Variants in HS3ST4 observed in about 807,000 individuals in gnomAD.
The protein encoded by HS3ST4 is heparan sulfate-glucosamine 3-sulfotransferase 4.
HS3ST4 carries 17 observed loss-of-function variants against 29.2 expected under a neutral mutation model. That is an observed-to-expected ratio of 0.58 (90% CI 0.40 to 0.87). The LOEUF is 0.87. Among genes scored for constraint, HS3ST4 ranks in the 40% least tolerant of loss-of-function variants. The probability of loss-of-function intolerance (pLI) is 0.00; values close to 1 mark genes in which losing one functional copy is unlikely to be tolerated. For synonymous variants in HS3ST4, 314 were observed against 285.7 expected (o/e 1.10, Z -1.00); for missense variants, 627 against 634.5 (o/e 0.99, Z 0.13).
chr16:25,961,249 G>A (rs556551728), intron 1 of HS3ST4, among the ~76,000 whole-genome samples: 6 of 152,262 alleles, frequency 3.9e-5, no homozygotes, highest in African/African-American at 1.4e-4. Flanking sequence ...CCTTCTGTGT[G>A]GAAGGCAGGA....
intron 1 of HS3ST4, among the ~76,000 whole-genome samples, chr16:25,703,964 C>T (rs1448698866): frequency 6.6e-6 from 1 of 152,214 alleles, no homozygotes; most frequent in Non-Finnish European, 1.5e-5. Flanking sequence ...AAGTTATCCT[C>T]ATTACTTATC....
chr16:26,110,641 T>C (rs948266750), intron 1 of HS3ST4, among the ~76,000 whole-genome samples: 1 of 151,976 alleles, frequency 6.6e-6, no homozygotes, highest in African/African-American at 2.4e-5. Context: ...CTGCAATTGC[T>C]TCCTTGTGGG....
At chr16:25,753,938 A>G (rs149497641) in intron 1 of HS3ST4, among the ~76,000 whole-genome samples, 529 of 152,294 alleles carry the variant, frequency 3.5e-3, no homozygotes, top group African/African-American at 0.012. Context: ...TTGCTAGTGG[A>G]GGCAAGTGGG....
intron 1 of HS3ST4, among the ~76,000 whole-genome samples, chr16:25,713,807 C>T (rs1966433609): frequency 6.6e-6 from 1 of 152,168 alleles, no homozygotes; most frequent in Non-Finnish European, 1.5e-5. Context: ...GTCCATAACA[C>T]AGAACAAATA....
At chr16:26,111,139 T>A (rs1398294519) in intron 1 of HS3ST4, among the ~76,000 whole-genome samples, 1 of 152,136 alleles carries the variant, frequency 6.6e-6, no homozygotes. Context: ...CATGGCTTAC[T>A]GAAGCCTGGA....
At chr16:25,802,937 G>A (rs1966953711) in intron 1 of HS3ST4, among the ~76,000 whole-genome samples, 1 of 138,298 alleles carries the variant, frequency 7.2e-6, no homozygotes, top group Non-Finnish European at 1.6e-5. Flanking sequence ...ATGTGTGTGT[G>A]TGTGTGTGTG....
intron 1 of HS3ST4, among the ~76,000 whole-genome samples, chr16:25,732,655 A>G (rs2141594249): frequency 6.6e-6 from 1 of 152,342 alleles, no homozygotes; most frequent in Admixed American, 6.5e-5. Context: ...TCATCTTATC[A>G]TGCAGTCTTG....
chr16:26,121,827 T>C (rs984191419), intron 1 of HS3ST4, among the ~76,000 whole-genome samples: 4 of 152,174 alleles, frequency 2.6e-5, no homozygotes, highest in Admixed American at 2.6e-4. Context: ...CTAACAGACA[T>C]TGGTGTGTGA....
rs892505516 is a variant in HS3ST4, at chr16:25,802,965, A to G, written c.734+109814A>G. ...TGTGTGTGTGTGTGTGTGTGTGTGT[A>G]TATATTTCTTTCTCTGTTTCTTTTC... is the stretch of plus-strand genomic sequence containing the variant. On this transcript the variant is annotated intron_variant, in intron 1 of 1. Transcript: ENST00000331351. 1.4e-4 allele frequency among the ~76,000 whole-genome samples: 20 copies of G among 141,558 alleles called. No homozygotes were observed. In the South Asian group the frequency reaches 1.6e-3, roughly 11 times the overall value. The allele number at this position is 141,558 out of a possible 152,430, so 92.9% of individuals were successfully genotyped here. A position where few individuals can be genotyped will look rare whatever the true frequency, so the allele number is the denominator to read the frequency against.
intron 1 of HS3ST4, among the ~76,000 whole-genome samples, chr16:25,760,953 C>G (rs1394234481): frequency 6.6e-6 from 1 of 152,018 alleles, no homozygotes; most frequent in African/African-American, 2.4e-5. Flanking sequence ...CTGCATAAGC[C>G]CCTGATAAAG....
intron 1 of HS3ST4, among the ~76,000 whole-genome samples, chr16:26,065,542 T>G (rs2141773312): frequency 6.6e-6 from 1 of 151,998 alleles, no homozygotes; most frequent in South Asian, 2.1e-4. Flanking sequence ...AATACATGGG[T>G]GATGAAATAA....
intron 1 of HS3ST4, among the ~76,000 whole-genome samples, chr16:25,990,322 AG>A (rs1490966293): frequency 1.3e-5 from 2 of 152,212 alleles, no homozygotes; most frequent in Non-Finnish European, 2.9e-5. Flanking sequence ...GAGCTTTGTG[AG>A]AAACTGCCAA....
chr16:26,072,964 G>C (rs1400753963), intron 1 of HS3ST4, among the ~76,000 whole-genome samples: 1 of 152,144 alleles, frequency 6.6e-6, no homozygotes, highest in Non-Finnish European at 1.5e-5. Flanking sequence ...CTTAAGTAAA[G>C]CATCCTTTAA....
At chr16:26,043,918 C>A (rs1290353268) in intron 1 of HS3ST4, among the ~76,000 whole-genome samples, 2 of 152,218 alleles carry the variant, frequency 1.3e-5, no homozygotes, top group Non-Finnish European at 2.9e-5. Flanking sequence ...CCCTTACTAG[C>A]ATTTATCTGG....
chr16:25,952,698 G>T (rs554708284), intron 1 of HS3ST4, among the ~76,000 whole-genome samples: 1 of 152,304 alleles, frequency 6.6e-6, no homozygotes, highest in Non-Finnish European at 1.5e-5. Flanking sequence ...CCTACCTGCT[G>T]TGTGAGCAAG....
chr16:25,778,403 C>T (rs1009871732), intron 1 of HS3ST4, among the ~76,000 whole-genome samples: 1 of 152,158 alleles, frequency 6.6e-6, no homozygotes, highest in Admixed American at 6.5e-5. Context: ...TCCTTTCAGG[C>T]TTAGGTACAG....
At chr16:25,933,646 TA>T (rs1968487082) in intron 1 of HS3ST4, among the ~76,000 whole-genome samples, 1 of 152,224 alleles carries the variant, frequency 6.6e-6, no homozygotes, top group Non-Finnish European at 1.5e-5. Context: ...TGGTAATTTA[TA>T]AACGAAAGAG....
chr16:25,761,806 G>A (rs1326799678), intron 1 of HS3ST4, among the ~76,000 whole-genome samples: 4 of 152,002 alleles, frequency 2.6e-5, no homozygotes, highest in African/African-American at 4.8e-5. Context: ...GGGTTGCCAC[G>A]TGCCAGCTAC....
At chr16:26,125,956 T>C (rs1899338125) in intron 1 of HS3ST4, among the ~76,000 whole-genome samples, 2 of 152,372 alleles carry the variant, frequency 1.3e-5, no homozygotes, top group South Asian at 2.1e-4. Flanking sequence ...CTAGTTATCT[T>C]CTGTAGAACA....
Sources: allele counts gnomAD v4.1 joint callset (sites outside exome capture counted in the v4.1 genomes callset), GRCh38; gene constraint gnomAD v4.1.1; transcripts MANE v1.5; gene names NCBI Gene and HGNC (gene_info 2026-07-23, HGNC 2026-07-21).